NAALADL2: variants seen among roughly 807,000 people sequenced by gnomAD.
NAALADL2 encodes inactive N-acetylated-alpha-linked acidic dipeptidase-like protein 2.
NAALADL2 carries 76 observed loss-of-function variants against 87.2 expected under a neutral mutation model. The observed-to-expected ratio is 0.87, with a 90% CI of 0.72 to 1.05. The LOEUF is 1.05. Ranked by LOEUF, NAALADL2 falls within the 50% of genes least tolerant of loss-of-function variation. The probability of loss-of-function intolerance (pLI) is 0.00; values close to 1 mark genes in which losing one functional copy is unlikely to be tolerated. For synonymous variants in NAALADL2, 354 were observed against 331.0 expected (o/e 1.07, Z -0.75); for missense variants, 1,089 against 945.8 (o/e 1.15, Z -1.99).
chr3:174,625,057 C>CTTTT, intron 2 of NAALADL2, among the ~76,000 whole-genome samples: 1 of 78,858 alleles, frequency 1.3e-5, no homozygotes, highest in African/African-American at 5.0e-5. Context: ...CTCTCTCTCT[C>CTTTT]TTTTTTTTTT....
intron 4 of NAALADL2, among the ~76,000 whole-genome samples, chr3:175,305,705 A>G (rs1173563611): frequency 3.9e-5 from 6 of 151,944 alleles, no homozygotes; most frequent in South Asian, 4.1e-4. Flanking sequence ...TATTTTTAGT[A>G]GAGACAGGGT....
Position 175,064,714 on chromosome 3 carries a change from C to T in NAALADL2, c.44-32076C>T, listed in dbSNP as rs533705542. 8.7e-4 allele frequency among the ~76,000 whole-genome samples: 133 copies of T among 152,278 alleles called. 2 individuals carry two copies. The highest frequency in any genetic ancestry group is 2.8e-3 in the African/African-American group (115 of 41,560). Reference sequence around the variant, plus strand: ...AGCAGCCAGAGTGGAAGTGATCTTACTCATGTAGCTCATACTTGTTAGCTT... The same window carrying T: ...AGCAGCCAGAGTGGAAGTGATCTTATTCATGTAGCTCATACTTGTTAGCTT... On this transcript the variant is annotated intron_variant, in intron 1 of 13. Transcript: ENST00000454872.
chr3:175,202,236 C>A (rs780195194), intron 2 of NAALADL2, among the ~76,000 whole-genome samples: 1 of 152,076 alleles, frequency 6.6e-6, no homozygotes, highest in Non-Finnish European at 1.5e-5. Flanking sequence ...GATCAGCTTC[C>A]TTTGTCCACT....
chr3:174,880,155 G>C (rs1048536339), intron 1 of NAALADL2, among the ~76,000 whole-genome samples: 12 of 151,918 alleles, frequency 7.9e-5, no homozygotes. Flanking sequence ...CTCAGTTTCA[G>C]TCCTGGCCAT....
intron 9 of NAALADL2, among the ~76,000 whole-genome samples, chr3:175,568,759 C>A (rs1015481522): frequency 1.3e-5 from 2 of 152,128 alleles, no homozygotes; most frequent in African/African-American, 2.4e-5. Context: ...TATTAAACTG[C>A]AATTACCTAA....
chr3:174,627,755 T>A (rs565273575), intron 2 of NAALADL2, among the ~76,000 whole-genome samples: 10 of 152,264 alleles, frequency 6.6e-5, no homozygotes, highest in Admixed American at 1.3e-4. Context: ...CAATACTAGT[T>A]GGCCATTAAA....
At chr3:175,223,218 G>A (rs11720572) in intron 2 of NAALADL2, among the ~76,000 whole-genome samples, 24,267 of 151,032 alleles carry the variant, frequency 0.16, 2,242 homozygotes, top group Admixed American at 0.25. Context: ...TAGATTCCTG[G>A]TATTTATTCA....
chr3:174,627,317 A>G lies in NAALADL2; in HGVS notation c.-115+76680A>G, dbSNP rs573775061. Among the ~76,000 whole-genome samples the G allele has an allele frequency of 2.5e-4, 38 of 152,248 alleles. No individual in the cohort carries two copies. In the South Asian group the frequency reaches 7.9e-3, roughly 32 times the overall value. On this transcript the variant is annotated intron_variant, in intron 2 of 3. Transcript: ENST00000434257. The stretch of plus-strand genomic sequence containing the variant: ...TGATTTTAAAGAGTACATATGGCCA[A>G]GAAATATGAAAAAAAAGTTCAGCAT...
chr3:175,138,304 A>T (rs1347045139), intron 2 of NAALADL2, among the ~76,000 whole-genome samples: 1 of 152,228 alleles, frequency 6.6e-6, no homozygotes, highest in Non-Finnish European at 1.5e-5. Flanking sequence ...AAGAATTAAT[A>T]TAAGTCATAG....
intron 11 of NAALADL2, among the ~76,000 whole-genome samples, chr3:175,719,143 G>T (rs1298318866): frequency 1.3e-5 from 2 of 151,962 alleles, no homozygotes; most frequent in East Asian, 3.9e-4. Flanking sequence ...TTGTCAAGCA[G>T]GGGTGATTTT....
chr3:174,691,064 C>G (rs1728528693), intron 2 of NAALADL2, among the ~76,000 whole-genome samples: 1 of 152,150 alleles, frequency 6.6e-6, no homozygotes, highest in Non-Finnish European at 1.5e-5. Flanking sequence ...CATCTACTGA[C>G]TGTGCAGTAC....
chr3:174,528,850 G>T (rs1425779061), intron 1 of NAALADL2, among the ~76,000 whole-genome samples: 1 of 152,054 alleles, frequency 6.6e-6, no homozygotes, highest in Non-Finnish European at 1.5e-5. Flanking sequence ...GGAAAGATTT[G>T]CCTGCAAGAT....
At chr3:175,136,280 G>A (rs1278099839) in intron 2 of NAALADL2, among the ~76,000 whole-genome samples, 1 of 152,170 alleles carries the variant, frequency 6.6e-6, no homozygotes, top group Non-Finnish European at 1.5e-5. Flanking sequence ...GTTTAGAGTT[G>A]ACTTGAGGGA....
At chr3:175,373,014 T>C (rs1766689186) in intron 5 of NAALADL2, among the ~76,000 whole-genome samples, 1 of 152,194 alleles carries the variant, frequency 6.6e-6, no homozygotes, top group Non-Finnish European at 1.5e-5. Flanking sequence ...TAGTGTGTTT[T>C]TGTTCAGGCA....
chr3:174,783,491 C>T (rs1413030996), intron 3 of NAALADL2, among the ~76,000 whole-genome samples: 1 of 152,142 alleles, frequency 6.6e-6, no homozygotes, highest in Non-Finnish European at 1.5e-5. Context: ...AGCTTCATTA[C>T]TAGAATTAGA....
intron 12 of NAALADL2, among the ~76,000 whole-genome samples, chr3:175,754,902 T>G (rs991068980): frequency 1.4e-4 from 22 of 152,200 alleles, no homozygotes; most frequent in African/African-American, 5.3e-4. Flanking sequence ...GTTGTTATTA[T>G]TATGAGCAGT....
At chr3:175,643,009 C>A (rs1729508523) in intron 11 of NAALADL2, among the ~76,000 whole-genome samples, 1 of 152,144 alleles carries the variant, frequency 6.6e-6, no homozygotes, top group South Asian at 2.1e-4. Context: ...GAAAGGAAAT[C>A]CAGAGATATA....
chr3:174,855,288 C>T (rs1464231729), upstream of NAALADL2, among the ~76,000 whole-genome samples: 3 of 152,044 alleles, frequency 2.0e-5, no homozygotes, highest in South Asian at 2.1e-4. Context: ...CATCCCTAGG[C>T]GATAGGAAAA....
chr3:175,388,573 C>A (rs1032222734), intron 5 of NAALADL2, among the ~76,000 whole-genome samples: 8 of 152,070 alleles, frequency 5.3e-5, no homozygotes, highest in Admixed American at 4.6e-4. Flanking sequence ...ATAACCACCA[C>A]CCATTTTAAT....
Sources: allele counts gnomAD v4.1 joint callset (sites outside exome capture counted in the v4.1 genomes callset), GRCh38; gene constraint gnomAD v4.1.1; transcripts MANE v1.5; gene names NCBI Gene and HGNC (gene_info 2026-07-23, HGNC 2026-07-21).